Variants in PHACTR3 observed in about 807,000 individuals in gnomAD.
PHACTR3 encodes phosphatase and actin regulator 3, also known as protein phosphatase 1, regulatory subunit 123.
PHACTR3 carries 16 observed loss-of-function variants against 66.8 expected under a neutral mutation model. The observed-to-expected ratio is 0.24, with a 90% CI of 0.16 to 0.36. PHACTR3 has a LOEUF of 0.36. Ranked by LOEUF, PHACTR3 falls within the 10% of genes least tolerant of loss-of-function variation. The pLI, the probability that PHACTR3 is intolerant of heterozygous loss-of-function variation, is 1.00. For missense variants in PHACTR3, 647 were observed against 719.9 expected (o/e 0.90, Z 1.16); for synonymous variants, 323 against 292.1 (o/e 1.11, Z -1.08).
chr20:59,797,045 G>GCT (rs1056288744), intron 7 of PHACTR3, among the ~76,000 whole-genome samples: 1 of 151,940 alleles, frequency 6.6e-6, no homozygotes, highest in African/African-American at 2.4e-5. Context: ...TTAATCCTTT[G>GCT]CTCTCTCTCT....
intron 5 of PHACTR3, 43 bp from the exon 6 acceptor site, chr20:59,773,236 C>T (rs369243823): frequency 1.3e-5 from 21 of 1,581,164 alleles, no homozygotes; most frequent in Middle Eastern, 3.4e-4. Flanking sequence ...TTGGTCCCAG[C>T]TCCTGAAGAC....
intron 1 of PHACTR3, among the ~76,000 whole-genome samples, chr20:59,686,941 ATGG>A (rs2036913206): frequency 2.1e-5 from 3 of 139,722 alleles, no homozygotes; most frequent in Admixed American, 7.0e-5. Flanking sequence ...GGTGGTGATG[ATGG>A]TGGTGATTGT....
chr20:59,734,878 T>A (rs1051492044), intron 1 of PHACTR3, among the ~76,000 whole-genome samples: 4 of 152,072 alleles, frequency 2.6e-5, no homozygotes, highest in Admixed American at 2.0e-4. Flanking sequence ...CTACCTCCCC[T>A]AGCTTCTAGT....
chr20:59,773,773 C>T (rs1395364530), intron 6 of PHACTR3, among the ~76,000 whole-genome samples: 1 of 152,184 alleles, frequency 6.6e-6, no homozygotes, highest in East Asian at 1.9e-4. Flanking sequence ...GAAAAGTGGC[C>T]GTTCCACTTT....
At position 59,651,700 on chromosome 20, in the gene PHACTR3, AG is replaced by A. The variant is rs1186631892; in HGVS notation, c.118+46572del. On this transcript the variant is annotated intron_variant, in intron 1 of 12. Coordinates refer to ENST00000371015, the MANE Select transcript of PHACTR3 (RefSeq NM_080672.5). ...GATAAATAATGGCATAGCCAGACAA[AG>A]GGGTATCGGAAGACAATAAAAGAAA... Among the ~76,000 whole-genome samples, 10 of 152,334 alleles carry A rather than the reference AG, an allele frequency of 6.6e-5. No individual in the cohort carries two copies. In the East Asian group the frequency reaches 1.4e-3, roughly 21 times the overall value.
rs756703236 is a variant in PHACTR3, at chr20:59,733,071, CCTTT to C, written c.119-10035_119-10032del. Among the ~76,000 whole-genome samples the C allele has an allele frequency of 6.4e-3, 645 of 101,484 alleles. 4 individuals carry two copies. Among genetic ancestry groups the C allele is most frequent in the Admixed American group, 9.0e-3 (68 of 7,594 alleles). The allele number at this position is 101,484 out of a possible 152,430, so 66.6% of individuals were successfully genotyped here. Reference sequence around the variant, plus strand: ...CTTCCCTTTTTTGAATAAATTCACTCCTTTTTTTTTTTTTTTTTGCATCCCTCCC... The same window carrying C: ...CTTCCCTTTTTTGAATAAATTCACTCTTTTTTTTTTTTTTGCATCCCTCCC... On this transcript the variant is annotated intron_variant, in intron 1 of 12. Coordinates refer to ENST00000371015, the MANE Select transcript of PHACTR3 (RefSeq NM_080672.5).
chr20:59,790,881 G>A (rs749084955), intron 7 of PHACTR3, among the ~76,000 whole-genome samples: 3 of 152,064 alleles, frequency 2.0e-5, no homozygotes, highest in Non-Finnish European at 2.9e-5. Flanking sequence ...TGTTTGCAAC[G>A]AGCATACATT....
intron 8 of PHACTR3, among the ~76,000 whole-genome samples, chr20:59,808,203 C>T (rs1327754107): frequency 2.6e-5 from 4 of 152,210 alleles, no homozygotes; most frequent in Non-Finnish European, 5.9e-5. Context: ...TCCAGAGCCA[C>T]TGGAGTTCAG....
At chr20:59,813,696 C>T (rs1444438386) in intron 8 of PHACTR3, among the ~76,000 whole-genome samples, 1 of 152,104 alleles carries the variant, frequency 6.6e-6, no homozygotes, top group African/African-American at 2.4e-5. Flanking sequence ...CACCGCCTTC[C>T]CAGGACTACC....
At chr20:59,618,855 T>C (rs1270978352) in intron 1 of PHACTR3, among the ~76,000 whole-genome samples, 11 of 151,896 alleles carry the variant, frequency 7.2e-5, no homozygotes, top group Admixed American at 2.0e-4. Flanking sequence ...TGAGCAGGGC[T>C]GAGAGCCTGG....
At chr20:59,703,131 T>C (rs929243769) in intron 1 of PHACTR3, among the ~76,000 whole-genome samples, 1 of 152,232 alleles carries the variant, frequency 6.6e-6, no homozygotes, top group Non-Finnish European at 1.5e-5. Flanking sequence ...ATGTTAGTTT[T>C]GAACAGGTCC....
intron 1 of PHACTR3, among the ~76,000 whole-genome samples, chr20:59,617,827 C>T (rs374275326): frequency 2.6e-4 from 39 of 152,352 alleles, no homozygotes; most frequent in South Asian, 1.7e-3. Flanking sequence ...TTTCTCCTTC[C>T]CTTCCAGCAA....
intron 1 of PHACTR3, among the ~76,000 whole-genome samples, chr20:59,723,060 C>CTTTCTTTCTT (rs1555823459): frequency 3.4e-5 from 4 of 118,664 alleles, no homozygotes; most frequent in African/African-American, 1.3e-4. Context: ...TTCTTTCTTT[C>CTTTCTTTCTT]TCTTTCTTTC....
At chr20:59,647,967 C>A (rs1433371935) in intron 1 of PHACTR3, among the ~76,000 whole-genome samples, 4 of 152,192 alleles carry the variant, frequency 2.6e-5, no homozygotes, top group African/African-American at 9.7e-5. Flanking sequence ...GGAAAACATC[C>A]TTTTGGTTAA....
chr20:59,745,816 T>C (rs1339872715), intron 2 of PHACTR3, among the ~76,000 whole-genome samples: 1 of 152,222 alleles, frequency 6.6e-6, no homozygotes, highest in African/African-American at 2.4e-5. Flanking sequence ...CTTCACAAGC[T>C]GCACCACCAC....
intron 8 of PHACTR3, among the ~76,000 whole-genome samples, chr20:59,828,043 G>A (rs2042244467): frequency 6.6e-6 from 1 of 152,352 alleles, no homozygotes; most frequent in East Asian, 1.9e-4. Flanking sequence ...TAGCAATGAA[G>A]ACTGGCCCCC....
At chr20:59,580,260 C>G (rs1364520808) in intron 1 of PHACTR3, among the ~76,000 whole-genome samples, 1 of 152,106 alleles carries the variant, frequency 6.6e-6, no homozygotes, top group South Asian at 2.1e-4. Context: ...AAGGAAGAAC[C>G]AGGCTGTGTG....
chr20:59,612,816 G>A (rs2033898254), intron 1 of PHACTR3, among the ~76,000 whole-genome samples: 1 of 152,196 alleles, frequency 6.6e-6, no homozygotes, highest in African/African-American at 2.4e-5. Flanking sequence ...ATTGGCTCAT[G>A]CTTCTGAGGG....
At chr20:59,610,702 G>A (rs1166889888) in intron 1 of PHACTR3, among the ~76,000 whole-genome samples, 4 of 152,246 alleles carry the variant, frequency 2.6e-5, no homozygotes, top group African/African-American at 9.6e-5. Context: ...CAGCTTTGTT[G>A]GACGGTGCTG....
Sources: gnomAD v4.1 joint callset for allele counts (sites outside exome capture counted in the v4.1 genomes callset) on GRCh38, gnomAD v4.1.1 for gene constraint, MANE v1.5 for transcripts, NCBI Gene and HGNC (gene_info 2026-07-23, HGNC 2026-07-21) for gene names.